The following PPM1K variants were observed in gnomAD, a reference collection of about 807,000 sequenced individuals.
PPM1K encodes the protein protein phosphatase Mn(2+)-dependent 1K.
In PPM1K, 19 loss-of-function variants were observed where a neutral mutation model predicts 32.6. The observed-to-expected ratio is 0.58, with a 90% CI of 0.41 to 0.86. The LOEUF is 0.86. PPM1K is among the 40% of genes least tolerant of loss of function. The probability of loss-of-function intolerance (pLI) is 0.00; values close to 1 mark genes in which losing one functional copy is unlikely to be tolerated. For synonymous variants in PPM1K, 159 were observed against 165.3 expected (o/e 0.96, Z 0.29); for missense variants, 362 against 461.2 (o/e 0.78, Z 1.97).
intron 2 of PPM1K, chr4:88,277,743 C>T (rs1731840917): frequency 4.6e-6 from 1 of 216,238 alleles, no homozygotes; most frequent in Non-Finnish European, 9.2e-6. Flanking sequence ...TGCCAATCAT[C>T]CAAAGCTATT....
Position 88,268,814 on chromosome 4 carries a change from T to C in PPM1K, c.634A>G (p.Ile212Val), listed in dbSNP as rs750618110. The stretch of plus-strand genomic sequence containing the variant: ...ATGGGTTTTCCTTTTCTACACAAAA[T>C]AGCCCGGCTGTCCCCAACACTGGCT... ...VVASVGDSRA[I>V]LCRKGKPMKL... Residue 212 changes from isoleucine (I) to valine (V), a missense_variant, in exon 4 of 7, where the codon ATT becomes GTT. Coordinates refer to ENST00000608933, the MANE Select transcript of PPM1K (RefSeq NM_152542.5). 1 of 1,614,028 alleles carries C rather than the reference T, an allele frequency of 6.2e-7. No individual in the cohort carries two copies. The highest frequency in any genetic ancestry group is 1.1e-5 in the South Asian group (1 of 91,070).
rs911336049 is a variant in PPM1K at position 88,257,835 on chromosome 4, T to C, written c.*4760A>G. 4.6e-5 allele frequency: 7 copies of C among 152,158 alleles called. No individual in the cohort carries two copies. Among genetic ancestry groups the C allele is most frequent in the Admixed American group, 3.3e-4 (5 of 15,274 alleles). The allele number at this position is 152,158 out of a possible 1,614,324, so 9.4% of individuals were successfully genotyped here. On this transcript the variant is annotated 3_prime_UTR_variant, in exon 7 of 7. Transcript: ENST00000608933. ...GCACTTCAGTAGAAATTAAATCAGT[T>C]TGGGGACACATCAGGCTGCTAAATT...
At chr4:88,269,060 A>G (rs975041108) in intron 3 of PPM1K, among the ~76,000 whole-genome samples, 154 bp from the exon 4 acceptor site, 1 of 152,258 alleles carries the variant, frequency 6.6e-6, no homozygotes, top group Non-Finnish European at 1.5e-5. Context: ...ATGCAAATGA[A>G]CTATGTAAGT....
At chr4:88,275,585 C>T in intron 3 of PPM1K, 1 of 985,336 alleles carries the variant, frequency 1.0e-6, no homozygotes, top group South Asian at 4.7e-5. Flanking sequence ...TGGTCACATG[C>T]CTGGGATAAA....
At chr4:88,270,968 A>G in intron 3 of PPM1K, 1 of 367,106 alleles carries the variant, frequency 2.7e-6, no homozygotes, top group Non-Finnish European at 5.4e-6. Flanking sequence ...CTAGAAAACT[A>G]AGACATCTTT....
At position 88,272,975 on chromosome 4, in the gene PPM1K, A is replaced by G. The variant is rs150759603; in HGVS notation, c.542-4069T>C. Among the ~76,000 whole-genome samples the G allele has an allele frequency of 3.5e-3, 526 of 152,330 alleles. 1 individual carries two copies. The highest frequency in any genetic ancestry group is 0.012 in the African/African-American group (497 of 41,578). On this transcript the variant is annotated intron_variant, in intron 3 of 6. Coordinates refer to ENST00000608933, the MANE Select transcript of PPM1K (RefSeq NM_152542.5). ...GAATGCACATAAAAGTCTCTTGCCC[A>G]CGCTGAACTCACACATGCCGGGCAG...
At position 88,278,985 on chromosome 4, in the gene PPM1K, T is replaced by A. The variant is rs1246028632; in HGVS notation, c.-59-343A>T. On this transcript the variant is annotated intron_variant, in intron 1 of 6. Transcript: ENST00000608933. This position sits in a 1 kb window ranked among gnomAD's most constrained non-coding sequence, Gnocchi z 4.2. ...TTGAACCTGCAATCACTTGTTAAAATGCATGTTCTGACCCAGTGGCTATGG... is the reference window on the plus strand; with the variant it reads ...TTGAACCTGCAATCACTTGTTAAAAAGCATGTTCTGACCCAGTGGCTATGG... 1 of 180,366 alleles carries A rather than the reference T, an allele frequency of 5.5e-6. No homozygotes were observed. The highest frequency in any genetic ancestry group is 2.4e-5 in the African/African-American group (1 of 41,744). The allele number at this position is 180,366 out of a possible 1,614,324, so 11.2% of individuals were successfully genotyped here. A position where few individuals can be genotyped will look rare whatever the true frequency, so the allele number is the denominator to read the frequency against.
At position 88,273,866 on chromosome 4, in the gene PPM1K, T is replaced by C. The variant is rs192740637; in HGVS notation, c.541+3277A>G. On this transcript the variant is annotated intron_variant, in intron 3 of 6. Transcript: ENST00000608933. ...CCAGATTCTTGAATGCTCTGCAAATTGCACACCTAGGCCTAATCAGTTTTT... is the reference window on the plus strand; with the variant it reads ...CCAGATTCTTGAATGCTCTGCAAATCGCACACCTAGGCCTAATCAGTTTTT... Among the ~76,000 whole-genome samples the C allele has an allele frequency of 3.1e-3, 473 of 152,260 alleles. 10 individuals carry two copies. Among genetic ancestry groups the C allele is most frequent in the African/African-American group, 0.011 (458 of 41,550 alleles).
chr4:88,281,355 T>G (rs1051964259), intron 1 of PPM1K, among the ~76,000 whole-genome samples: 17 of 152,342 alleles, frequency 1.1e-4, no homozygotes, highest in African/African-American at 3.8e-4. Context: ...TTTTATCTCC[T>G]CTTTATCCTC....
chr4:88,277,288 T>A, intron 2 of PPM1K, 45 bp from the exon 3 acceptor site: 1 of 1,303,164 alleles, frequency 7.7e-7, no homozygotes, highest in South Asian at 1.2e-5. Context: ...CATTTTACAA[T>A]AGGTTTTTCT....
In PPM1K at chr4:88,278,291, G is replaced by T; in HGVS notation, c.293C>A (p.Ala98Asp). The T allele has an allele frequency of 6.2e-7, 1 of 1,614,136 alleles. No individual in the cohort carries two copies. Among genetic ancestry groups the T allele is most frequent in the Non-Finnish European group, 8.5e-7 (1 of 1,180,036 alleles). The change falls in exon 2 of 7, where the codon GCC (alanine) becomes GAC (aspartate). Residue 98 changes from alanine to aspartate, a missense_variant. By Grantham distance (126) the Ala-to-Asp change is moderately radical. Coordinates refer to ENST00000608933, the MANE Select transcript of PPM1K (RefSeq NM_152542.5). The surrounding 1 kb of genome is among the most constrained non-coding windows in gnomAD (Gnocchi z 4.2). ...PKISLENVGC[A>D]SQIGKRKENE... ...CTCTTTCCGTTTGCCAATCTGTGAGGCGCACCCCACATTTTCCAAGCTGAT... is the reference window on the plus strand; with the variant it reads ...CTCTTTCCGTTTGCCAATCTGTGAGTCGCACCCCACATTTTCCAAGCTGAT...
rs1236090352 is a variant in PPM1K at position 88,262,705 on chromosome 4, C to G, written c.1009G>C (p.Asp337His). ...GGCACTACTACTGCAGTACTGTTAT[C>G]CTCAGTACCGTACTGTATTGCCTGC... is the stretch of plus-strand genomic sequence containing the variant. ...TEQAIQYGTE[D>H]NSTAVVVPFG... Residue 337 changes from aspartate (D) to histidine (H), a missense_variant, in exon 7 of 7, where the codon GAT becomes CAT. Asp to His is a moderately conservative substitution (Grantham distance 81). Transcript: ENST00000608933. 1 of 1,613,890 alleles carries G rather than the reference C, an allele frequency of 6.2e-7. No individual in the cohort carries two copies. Among genetic ancestry groups the G allele is most frequent in the Admixed American group, 1.7e-5 (1 of 59,998 alleles).
chr4:88,262,967 T>C (rs940288841), intron 6 of PPM1K, among the ~76,000 whole-genome samples: 5 of 152,204 alleles, frequency 3.3e-5, no homozygotes, highest in Admixed American at 6.5e-5. Context: ...ATTAACTATA[T>C]TCTGCTGTAG....
In PPM1K at chr4:88,282,282, T is replaced by G. The variant is rs996913362; in HGVS notation, c.-60+2124A>C. On this transcript the variant is annotated intron_variant, in intron 1 of 6. Coordinates refer to ENST00000608933, the MANE Select transcript of PPM1K (RefSeq NM_152542.5). ...CACTGGATTTGAGTTAAACTGTTCT[T>G]GTATGTTAAAAGCAGGTCAAAAGGG... is the stretch of plus-strand genomic sequence containing the variant. Among the ~76,000 whole-genome samples, 17 of 152,218 alleles carry G rather than the reference T, an allele frequency of 1.1e-4. 1 individual carries two copies. The highest frequency in any genetic ancestry group is 2.1e-4 in the Non-Finnish European group (14 of 68,042).
chr4:88,272,738 T>C (rs977828421), intron 3 of PPM1K, among the ~76,000 whole-genome samples: 2 of 152,222 alleles, frequency 1.3e-5, no homozygotes, highest in African/African-American at 4.8e-5. Flanking sequence ...TAAAAATAGC[T>C]GACAATTTCT....
intron 1 of PPM1K, among the ~76,000 whole-genome samples, chr4:88,281,965 T>G (rs1732030116): frequency 1.3e-5 from 2 of 150,400 alleles, no homozygotes; most frequent in Admixed American, 1.3e-4. Context: ...AACAAAAACC[T>G]TAAGGAAAAA....
intron 5 of PPM1K, among the ~76,000 whole-genome samples, chr4:88,265,487 C>T (rs1287508278): frequency 6.6e-6 from 1 of 152,206 alleles, no homozygotes; most frequent in Non-Finnish European, 1.5e-5. Flanking sequence ...GCTCCTCTTT[C>T]ACCTTCCACC....
At chr4:88,270,072 C>T (rs571400351) in intron 3 of PPM1K, among the ~76,000 whole-genome samples, 4 of 152,218 alleles carry the variant, frequency 2.6e-5, no homozygotes, top group Middle Eastern at 3.4e-3. Flanking sequence ...AAGATGACTT[C>T]GATTTTAAAG....
Position 88,278,356 on chromosome 4 carries a change from C to G in PPM1K, c.228G>C (p.Leu76=), listed in dbSNP as rs745813616. ...TGCCATACTTAATGCTGGGTGGCAG[C>G]AGAATTGGCTCATCAATGCGGTTAT... The part of the protein sequence containing the change: ...IWDNRIDEPI[L]LPPSIKYGKP... The change falls in exon 2 of 7, where the codon CTG becomes CTC. Residue 76 remains leucine (L), a synonymous_variant. Coordinates refer to ENST00000608933, the MANE Select transcript of PPM1K (RefSeq NM_152542.5). This position sits in a 1 kb window ranked among gnomAD's most constrained non-coding sequence, Gnocchi z 4.2. The G allele has an allele frequency of 1.2e-6, 2 of 1,614,184 alleles. No homozygotes were observed. Among genetic ancestry groups the G allele is most frequent in the Non-Finnish European group, 1.7e-6 (2 of 1,180,040 alleles).
Sources: gnomAD v4.1 joint callset for allele counts (sites outside exome capture counted in the v4.1 genomes callset) on GRCh38, gnomAD v4.1.1 for gene constraint, Gnocchi (gnomAD v3.1) non-coding constraint, MANE v1.5 for transcripts, NCBI Gene and HGNC (gene_info 2026-07-23, HGNC 2026-07-21) for gene names.